Variants in ASB14 observed in about 807,000 individuals in gnomAD.
ASB14 encodes ankyrin repeat and SOCS box protein 14.
Under a neutral mutation model 55.6 loss-of-function variants are expected in ASB14, and 63 were observed. The observed-to-expected ratio is 1.13, with a 90% CI of 0.92 to 1.40. The LOEUF is 1.40. Ranked by LOEUF, ASB14 falls within the 40% of genes most tolerant of loss-of-function variation. The probability of loss-of-function intolerance (pLI) is 0.00; values close to 1 mark genes in which losing one functional copy is unlikely to be tolerated. For synonymous variants in ASB14, 256 were observed against 259.9 expected, an observed-to-expected ratio of 0.98 and a Z score of 0.15; for missense variants, 724 against 710.4, an observed-to-expected ratio of 1.02 and a Z score of -0.22.
chr3:57,284,094 A>ATGTATGTGTGTGTG (rs1553640084), intron 5 of ASB14, among the ~76,000 whole-genome samples: 3 of 136,482 alleles, frequency 2.2e-5, no homozygotes, highest in Non-Finnish European at 3.1e-5. Context: ...AACACTGTGT[A>ATGTATGTGTGTGTG]TGTGTGTGTG....
Position 57,291,947 on chromosome 3 carries a change from C to T in ASB14, c.87G>A (p.Lys29=). Residue 29 remains lysine, a synonymous_variant, in exon 2 of 11, where the codon AAG becomes AAA. Coordinates refer to ENST00000487349, the MANE Select transcript of ASB14 (RefSeq NM_001142733.3). ...IIQQSLQDIY[K]PGTAQHAPKD... is the part of the protein sequence containing the mutation. ...TAGGTGCATGTTGTGCTGTTCCTGG[C>T]TTATAAATATCCTGCAAACTCTGTT... 3 of 1,536,678 alleles carry T rather than the reference C, an allele frequency of 2.0e-6. No individual in the cohort carries two copies. Among genetic ancestry groups the T allele is most frequent in the Non-Finnish European group, 2.6e-6 (3 of 1,146,254 alleles).
In ASB14 at chr3:57,291,936, G is replaced by A; in HGVS notation, c.98C>T (p.Ala33Val). 1 of 1,536,212 alleles carries A rather than the reference G, an allele frequency of 6.5e-7. No individual in the cohort carries two copies. Among genetic ancestry groups the A allele is most frequent in the Non-Finnish European group, 8.7e-7 (1 of 1,145,890 alleles). ...CCTCTCATCCTTAGGTGCATGTTGT[G>A]CTGTTCCTGGCTTATAAATATCCTG... ...SLQDIYKPGT[A>V]QHAPKDESLH... The change falls in exon 2 of 11, where the codon GCA becomes GTA. Residue 33 changes from alanine (A) to valine (V), a missense_variant. By Grantham distance (64) the Ala-to-Val change is moderately conservative (BLOSUM62 0). Transcript: ENST00000487349.
chr3:57,286,298 AT>A (rs940311836), intron 5 of ASB14, among the ~76,000 whole-genome samples: 1 of 142,696 alleles, frequency 7.0e-6, no homozygotes, highest in African/African-American at 2.6e-5. Flanking sequence ...GCTTTTTATG[AT>A]TTTTTATTAT....
intron 5 of ASB14, 64 bp downstream of exon 5, chr3:57,287,837 A>C: frequency 6.7e-7 from 1 of 1,495,680 alleles, no homozygotes; most frequent in Admixed American, 2.1e-5. Context: ...GCTGCCTTTG[A>C]AACCTGGGGG....
chr3:57,283,322 T>C lies in ASB14; in HGVS notation c.587A>G (p.Glu196Gly), dbSNP rs1226679381. The C allele has an allele frequency of 1.3e-6, 2 of 1,551,696 alleles. No homozygotes were observed. The highest frequency in any genetic ancestry group is 2.7e-5 in the African/African-American group (2 of 73,044). The change falls in exon 6 of 11, where the codon GAG (glutamate) becomes GGG (glycine). Residue 196 changes from glutamate (E) to glycine (G), a missense_variant. Coordinates refer to ENST00000487349, the MANE Select transcript of ASB14 (RefSeq NM_001142733.3). ...ALHEAAKLGR[E>G]DMVKLMLVSG... is the part of the protein sequence containing the mutation. ...AACCAGCATAAGCTTCACCATGTCC[T>C]CTCTGCCCAGTTTGGCTGCTTCGTG...
intron 6 of ASB14, among the ~76,000 whole-genome samples, chr3:57,282,844 T>G (rs2061049958): frequency 6.6e-6 from 1 of 152,174 alleles, no homozygotes; most frequent in Non-Finnish European, 1.5e-5. Flanking sequence ...TGATTTGGAC[T>G]TAGGCAGAGG....
At chr3:57,284,430 G>A (rs538607904) in intron 5 of ASB14, among the ~76,000 whole-genome samples, 2 of 152,292 alleles carry the variant, frequency 1.3e-5, no homozygotes, top group Admixed American at 6.5e-5. Flanking sequence ...ATCTCAGCCA[G>A]CACTATATAT....
At position 57,269,684 on chromosome 3, in the gene ASB14, A is replaced by G. The variant is rs1350216779; in HGVS notation, c.*23-66T>C. The G allele has an allele frequency of 6.2e-7, 1 of 1,613,836 alleles. No individual in the cohort carries two copies. Among genetic ancestry groups the G allele is most frequent in the East Asian group, 2.2e-5 (1 of 44,874 alleles). The stretch of plus-strand genomic sequence containing the variant: ...GAGGAAAGAAGAGAGAATCAGAAGC[A>G]TAAGCTTATACTTTTGGTAGATATT... On this transcript the variant is annotated intron_variant, in intron 10 of 10. Coordinates refer to ENST00000487349, the MANE Select transcript of ASB14 (RefSeq NM_001142733.3).
intron 6 of ASB14, among the ~76,000 whole-genome samples, chr3:57,281,192 T>G (rs1312429129): frequency 6.6e-6 from 1 of 152,202 alleles, no homozygotes; most frequent in African/African-American, 2.4e-5. Flanking sequence ...TCAAAAAGTT[T>G]CAGATTTTGG....
At chr3:57,274,861 C>G (rs907142578) in intron 10 of ASB14, among the ~76,000 whole-genome samples, 1 of 152,114 alleles carries the variant, frequency 6.6e-6, no homozygotes, top group African/African-American at 2.4e-5. Context: ...TCACATTAAC[C>G]GGTAAATGGT....
chr3:57,273,436 AAGTCC>A (rs1439242629), intron 10 of ASB14: 6 of 152,630 alleles, frequency 3.9e-5, no homozygotes, highest in African/African-American at 1.4e-4. Flanking sequence ...ATGTATAATA[AAGTCC>A]ATGATTTTTG....
Position 57,276,736 on chromosome 3 carries a change from GA to G in ASB14, c.1586-9del. ...TTAGGGAGCGAGGGTTTGCTAAAAA[GA>G]AAAGGCACATTATCCAAAGAGAAAA... On this transcript the variant is annotated splice_polypyrimidine_tract_variant and intron_variant, in intron 9 of 10. Coordinates refer to ENST00000487349, the MANE Select transcript of ASB14 (RefSeq NM_001142733.3). 1 of 1,600,222 alleles carries G rather than the reference GA, an allele frequency of 6.2e-7. No individual in the cohort carries two copies. Among genetic ancestry groups the G allele is most frequent in the Non-Finnish European group, 8.5e-7 (1 of 1,174,668 alleles).
rs1293356531 is a variant in ASB14, at chr3:57,283,511, C to T, written c.470-72G>A. 4.8e-6 allele frequency: 7 copies of T among 1,444,628 alleles called. No homozygotes were observed. The African/African-American group carries it at 9.9e-5, about 20-fold the overall frequency. 89.5% of individuals were successfully genotyped at this position (1,444,628 alleles called of 1,614,324 possible). A position where few individuals can be genotyped will look rare whatever the true frequency, so the allele number is the denominator to read the frequency against. ...CCAAAGTAGCATATCTGCAAGTATC[C>T]CTCAGGCTTTCTTAAGGAGTTCTTC... On this transcript the variant is annotated intron_variant, in intron 5 of 10. Coordinates refer to ENST00000487349, the MANE Select transcript of ASB14 (RefSeq NM_001142733.3).
In ASB14 at chr3:57,278,746, G is replaced by T. The variant is rs779253795; in HGVS notation, c.1062C>A (p.Asp354Glu). 1 of 1,613,586 alleles carries T rather than the reference G, an allele frequency of 6.2e-7. No individual in the cohort carries two copies. Among genetic ancestry groups the T allele is most frequent in the Non-Finnish European group, 8.5e-7 (1 of 1,179,754 alleles). Residue 354 changes from aspartate (D) to glutamate (E), a missense_variant, in exon 8 of 11, where the codon GAC becomes GAA. Transcript: ENST00000487349. ...LDQRINKHYD[D>E]HRKSALYFAV... ...CAAAATACAAAGCTGACTTCCTGTG[G>T]TCATCGTAGTGTTTGTTAATTCTCT...
intron 6 of ASB14, among the ~76,000 whole-genome samples, chr3:57,281,806 TATCTATGA>T (rs2061042900): frequency 6.6e-6 from 1 of 152,224 alleles, no homozygotes; most frequent in Admixed American, 6.5e-5. Context: ...CCAGGGCTTA[TATCTATGA>T]TGCCATGTTG....
intron 10 of ASB14, chr3:57,272,147 AAAGAT>A (rs1201550847): frequency 1.3e-5 from 2 of 152,226 alleles, no homozygotes; most frequent in Non-Finnish European, 2.9e-5. Flanking sequence ...TTTAAAAAGA[AAAGAT>A]ATTAAGCCTG....
chr3:57,274,015 T>C (rs1192189252), intron 10 of ASB14, among the ~76,000 whole-genome samples: 1 of 152,054 alleles, frequency 6.6e-6, no homozygotes, highest in African/African-American at 2.4e-5. Flanking sequence ...TATTGAAAGA[T>C]ATAATCTACC....
intron 3 of ASB14, 130 bp from the exon 4 acceptor site, chr3:57,288,416 G>A: frequency 9.7e-7 from 1 of 1,025,660 alleles, no homozygotes; most frequent in Non-Finnish European, 1.4e-6. Flanking sequence ...TTTTATGAAA[G>A]ACAAATGGCA....
At chr3:57,283,836 TAA>T (rs35410055) in intron 5 of ASB14, among the ~76,000 whole-genome samples, 2 of 148,948 alleles carry the variant, frequency 1.3e-5, no homozygotes, top group Non-Finnish European at 1.5e-5. Context: ...TGCCAAAAAT[TAA>T]AAAAAAAACA....
Sources: gnomAD v4.1 joint callset for allele counts (sites outside exome capture counted in the v4.1 genomes callset) on GRCh38, gnomAD v4.1.1 for gene constraint, MANE v1.5 for transcripts, NCBI Gene and HGNC (gene_info 2026-07-23, HGNC 2026-07-21) for gene names.